Variants in CSE1L observed in about 807,000 individuals in gnomAD.
CSE1L encodes chromosome segregation 1 like, also known as exportin-2.
Under a neutral mutation model 120.4 loss-of-function variants are expected in CSE1L, and 24 were observed. That is an observed-to-expected ratio of 0.20 (90% CI 0.14 to 0.28). The LOEUF (loss-of-function observed/expected upper bound fraction) is 0.28, where lower values mean the gene tolerates loss of function less well. Ranked by LOEUF, CSE1L falls within the 10% of genes least tolerant of loss-of-function variation. The pLI, the probability that CSE1L is intolerant of heterozygous loss-of-function variation, is 1.00. For synonymous variants in CSE1L, 402 were observed against 398.3 expected (o/e 1.01, Z -0.11); for missense variants, 830 against 1,145.2 (o/e 0.72, Z 3.97).
intron 1 of CSE1L, among the ~76,000 whole-genome samples, chr20:49,054,963 T>G (rs1340598878): frequency 6.6e-6 from 1 of 152,248 alleles, no homozygotes; most frequent in Non-Finnish European, 1.5e-5. Context: ...TCTGGGAAAC[T>G]CTTGGATGGC....
chr20:49,063,175 T>A, intron 2 of CSE1L, 27 bp from the exon 3 acceptor site: 1 of 1,475,516 alleles, frequency 6.8e-7, no homozygotes. Flanking sequence ...TTTATCTTAG[T>A]CTTTTAACAT....
chr20:49,095,303 T>TG lies in CSE1L; in HGVS notation c.2826+342dup, dbSNP rs2092131328. 3 of 228,690 alleles carry TG rather than the reference T, an allele frequency of 1.3e-5. No individual in the cohort carries two copies. In the South Asian group the frequency reaches 2.3e-4, roughly 18 times the overall value. The allele number at this position is 228,690 out of a possible 1,614,324, so 14.2% of individuals were successfully genotyped here. ...AAGTAATCCATCTATTATTAAAATGTGGTAGCATTTTTTTATTTTTATTTT... is the reference window on the plus strand; with the variant it reads ...AAGTAATCCATCTATTATTAAAATGTGGGTAGCATTTTTTTATTTTTATTTT... On this transcript the variant is annotated intron_variant, in intron 24 of 24. Transcript: ENST00000262982.
Position 49,070,260 on chromosome 20 carries a change from C to A in CSE1L, c.731C>A (p.Thr244Asn). The change falls in exon 8 of 25, where the codon ACT (threonine) becomes AAT (asparagine). Residue 244 changes from threonine to asparagine, a missense_variant. Physicochemically the swap from Thr to Asn is moderately conservative, Grantham distance 65. Transcript: ENST00000262982. The part of the protein sequence containing the change: ...NMETWMNNFH[T>N]LLTLDNKLLQ... ...GAAACTTGGATGAATAATTTTCATA[C>A]TCTCTTAACATTGGATAATAAGCTT... 1 of 1,466,908 alleles carries A rather than the reference C, an allele frequency of 6.8e-7. No homozygotes were observed. The highest frequency in any genetic ancestry group is 9.4e-7 in the Non-Finnish European group (1 of 1,064,512). The allele number at this position is 1,466,908 out of a possible 1,614,324, so 90.9% of individuals were successfully genotyped here.
In CSE1L at chr20:49,070,217, T is replaced by C; in HGVS notation, c.688T>C (p.Phe230Leu). The C allele has an allele frequency of 7.0e-7, 1 of 1,438,116 alleles. No individual in the cohort carries two copies. The highest frequency in any genetic ancestry group is 9.6e-7 in the Non-Finnish European group (1 of 1,042,560). 89.1% of individuals were successfully genotyped at this position (1,438,116 alleles called of 1,614,324 possible). Reference protein sequence around the residue: ...YSLNFQDLPEFFEDNMETWMN... With the variant: ...YSLNFQDLPELFEDNMETWMN... ...GTTTATTCTGTAGGATCTCCCTGAA[T>C]TTTTTGAAGATAATATGGAAACTTG... is the stretch of plus-strand genomic sequence containing the variant. The change falls in exon 8 of 25, where the codon TTT becomes CTT. Residue 230 changes from phenylalanine to leucine, a missense_variant. Physicochemically the swap from Phe to Leu is conservative, Grantham distance 22. Transcript: ENST00000262982.
chr20:49,085,167 TG>T, intron 15 of CSE1L, 115 bp from the exon 16 acceptor site: 1 of 727,190 alleles, frequency 1.4e-6, no homozygotes, highest in Non-Finnish European at 2.4e-6. Context: ...CAATTGTCAG[TG>T]GTGGGAGATG....
intron 10 of CSE1L, among the ~76,000 whole-genome samples, chr20:49,074,309 C>T (rs1387735467): frequency 2.7e-5 from 4 of 150,338 alleles, no homozygotes; most frequent in East Asian, 2.0e-4. Context: ...TGGGCTCAAG[C>T]GATCCTCCCA....
chr20:49,066,498 C>G lies in CSE1L; in HGVS notation c.464C>G (p.Ser155Ter). The G allele has an allele frequency of 6.2e-7, 1 of 1,611,062 alleles. No individual in the cohort carries two copies. The highest frequency in any genetic ancestry group is 8.5e-7 in the Non-Finnish European group (1 of 1,178,904). The change falls in exon 5 of 25, where the codon TCA (serine) becomes TGA (stop). Residue 155 changes from serine to a stop codon, truncating the protein, a stop_gained. Coordinates refer to ENST00000262982, the MANE Select transcript of CSE1L (RefSeq NM_001316.4). LOFTEE classifies it high-confidence loss of function. ...AATGGAGTCCTCCGTACAGCACATT[C>G]ATTATTTAAAAGGTATTGATGCATA... ...VINGVLRTAH[S>*]LFKRYRHEFK...
intron 12 of CSE1L, among the ~76,000 whole-genome samples, chr20:49,075,847 T>G (rs1421642300): frequency 6.6e-6 from 1 of 152,218 alleles, no homozygotes; most frequent in Non-Finnish European, 1.5e-5. Flanking sequence ...ATTTTTATAT[T>G]TTTGAGATGG....
chr20:49,069,460 G>GA (rs1321507740), intron 7 of CSE1L, among the ~76,000 whole-genome samples: 15 of 152,188 alleles, frequency 9.9e-5, no homozygotes, highest in African/African-American at 3.4e-4. Context: ...GCGATGCAAG[G>GA]AGGGCCTAGC....
chr20:49,071,790 G>A (rs1478509401), intron 8 of CSE1L, among the ~76,000 whole-genome samples: 4 of 151,728 alleles, frequency 2.6e-5, no homozygotes, highest in African/African-American at 9.7e-5. Context: ...GTGAAACCCC[G>A]TCTCTACTAA....
intron 6 of CSE1L, among the ~76,000 whole-genome samples, chr20:49,067,630 A>G (rs1040775741): frequency 1.3e-5 from 2 of 152,084 alleles, no homozygotes; most frequent in African/African-American, 4.8e-5. Flanking sequence ...TTAATTAATT[A>G]TATATTTATA....
At chr20:49,068,889 T>G in intron 7 of CSE1L, 67 bp downstream of exon 7, 1 of 1,122,802 alleles carries the variant, frequency 8.9e-7, no homozygotes, top group South Asian at 1.3e-5. Context: ...TTCTTTCTGT[T>G]TGATAAAGAC....
chr20:49,077,151 T>TTG, intron 13 of CSE1L, 87 bp downstream of exon 13: 1 of 674,102 alleles, frequency 1.5e-6, no homozygotes, highest in Middle Eastern at 3.1e-4. Context: ...TTCCCTTTTG[T>TTG]TCTTTTTTTT....
At chr20:49,093,479 T>C (rs574505551) in intron 22 of CSE1L, among the ~76,000 whole-genome samples, 3 of 152,200 alleles carry the variant, frequency 2.0e-5, no homozygotes, top group African/African-American at 7.2e-5. Context: ...GCAAAGACAG[T>C]TGGGAAGCTT....
chr20:49,076,022 A>G (rs1190374600), intron 12 of CSE1L, among the ~76,000 whole-genome samples: 2 of 151,956 alleles, frequency 1.3e-5, no homozygotes, highest in Non-Finnish European at 2.9e-5. Flanking sequence ...AGTAGAGACA[A>G]GGTTTCACCA....
intron 16 of CSE1L, among the ~76,000 whole-genome samples, chr20:49,086,547 TAG>T: frequency 6.6e-6 from 1 of 152,034 alleles, no homozygotes; most frequent in Non-Finnish European, 1.5e-5. Context: ...GTATTTTTAG[TAG>T]AGACAGGGTT....
intron 22 of CSE1L, among the ~76,000 whole-genome samples, chr20:49,092,746 A>G (rs544979207): frequency 2.0e-4 from 31 of 152,102 alleles, no homozygotes; most frequent in African/African-American, 6.7e-4. Flanking sequence ...CAGTAAACCA[A>G]CTTGGCACAT....
intron 21 of CSE1L, 109 bp from the exon 22 acceptor site, chr20:49,091,937 A>C (rs2092104967): frequency 4.6e-6 from 3 of 658,846 alleles, no homozygotes; most frequent in South Asian, 3.6e-5. Flanking sequence ...TATTGATGCC[A>C]CAGCCTTTGG....
chr20:49,057,931 T>C (rs906116993), intron 1 of CSE1L, among the ~76,000 whole-genome samples: 1 of 151,650 alleles, frequency 6.6e-6, no homozygotes, highest in African/African-American at 2.4e-5. Flanking sequence ...CATGCCCGGC[T>C]TCAATTTTTT....
Sources: gnomAD v4.1 joint callset for allele counts (sites outside exome capture counted in the v4.1 genomes callset) on GRCh38, gnomAD v4.1.1 for gene constraint, MANE v1.5 for transcripts, NCBI Gene and HGNC (gene_info 2026-07-23, HGNC 2026-07-21) for gene names.